Variants in GREB1 observed in about 807,000 individuals in gnomAD.
GREB1 encodes growth regulating estrogen receptor binding 1, also known as protein GREB1.
In GREB1, 106 loss-of-function variants were observed where a neutral mutation model predicts 200.7. The ratio of observed to expected loss-of-function variants is 0.53; its 90% CI spans 0.45 to 0.62. The LOEUF (loss-of-function observed/expected upper bound fraction) is 0.62, where lower values mean the gene tolerates loss of function less well. Among genes scored for constraint, GREB1 ranks in the 20% least tolerant of loss-of-function variants. GREB1 has a pLI of 0.00. For missense variants in GREB1, 2,243 were observed against 2,556.8 expected (o/e 0.88, Z 2.65); for synonymous variants, 1,132 against 1,092.4 (o/e 1.04, Z -0.72).
intron 1 of GREB1, among the ~76,000 whole-genome samples, chr2:11,523,759 A>G (rs1304277543): frequency 6.6e-6 from 1 of 152,170 alleles, no homozygotes. Flanking sequence ...TCCAGTGATC[A>G]TAGACAGGCC....
intron 1 of GREB1, among the ~76,000 whole-genome samples, chr2:11,545,985 C>G (rs893941045): frequency 2.0e-5 from 3 of 152,158 alleles, no homozygotes; most frequent in Non-Finnish European, 2.9e-5. Flanking sequence ...CAAGACCAGC[C>G]TGACCAACAT....
At chr2:11,531,311 G>C (rs1674065496), upstream of GREB1, among the ~76,000 whole-genome samples, 1 of 152,160 alleles carries the variant, frequency 6.6e-6, no homozygotes, top group Non-Finnish European at 1.5e-5. Context: ...TAAGTGACTT[G>C]CCTGCTGGAG....
chr2:11,520,866 C>T (rs1204635318), intron 1 of GREB1, among the ~76,000 whole-genome samples: 2 of 152,168 alleles, frequency 1.3e-5, no homozygotes, highest in African/African-American at 4.8e-5. Context: ...TCCTGCTTTC[C>T]ATAGGTAGTT....
chr2:11,632,329 T>TTC (rs1246976008), intron 27 of GREB1, among the ~76,000 whole-genome samples: 178 of 150,318 alleles, frequency 1.2e-3, no homozygotes, highest in African/African-American at 4.0e-3. Context: ...CTTTCTTTCT[T>TTC]TCTCTCTTTT....
Position 11,618,313 on chromosome 2 carries a change from G to A in GREB1, c.3438G>A (p.Ser1146=), listed in dbSNP as rs201191972. The change falls in exon 22 of 33, where the codon TCG becomes TCA. Residue 1146 remains serine (S), a synonymous_variant. Transcript: ENST00000381486. ...ASGSALGGES[S]AQPTALPQGE... is the part of the protein sequence containing the mutation. ...GTTCAGCGCTCGGTGGCGAGTCCTCGGCTCAGCCCACAGCACTCCCCCAGG... is the reference window on the plus strand; with the variant it reads ...GTTCAGCGCTCGGTGGCGAGTCCTCAGCTCAGCCCACAGCACTCCCCCAGG... The A allele has an allele frequency of 1.5e-4, 240 of 1,575,038 alleles. No individual in the cohort carries two copies. The highest frequency in any genetic ancestry group is 1.5e-3 in the South Asian group (132 of 87,838).
intron 1 of GREB1, among the ~76,000 whole-genome samples, chr2:11,518,239 T>C (rs941656778): frequency 6.6e-6 from 1 of 152,122 alleles, no homozygotes; most frequent in Non-Finnish European, 1.5e-5. Flanking sequence ...TGGAGATCCA[T>C]TTGGGTGGAA....
chr2:11,587,078 A>G (rs897932146), intron 9 of GREB1, among the ~76,000 whole-genome samples: 1 of 152,204 alleles, frequency 6.6e-6, no homozygotes, highest in Non-Finnish European at 1.5e-5. Flanking sequence ...TCTACGTCTC[A>G]CACGAGCAAT....
rs187054498 is a variant in GREB1, at chr2:11,528,223, A to C, written c.-158-28234A>C. 5.3e-3 allele frequency among the ~76,000 whole-genome samples: 809 copies of C among 152,366 alleles called. 4 individuals carry two copies. The highest frequency in any genetic ancestry group is 0.031 in the Middle Eastern group (9 of 294). ...CTAGAGATCACTGGTGAAACAGAAG[A>C]ATGATGACTTTTCTATCTCTTTACA... On this transcript the variant is annotated intron_variant, in intron 1 of 2. Coordinates refer to the GREB1 transcript ENST00000628795.
chr2:11,511,343 C>T (rs184985690), intron 1 of GREB1, among the ~76,000 whole-genome samples: 1 of 152,136 alleles, frequency 6.6e-6, no homozygotes, highest in Non-Finnish European at 1.5e-5. Context: ...GATTGCGTAG[C>T]CAGGAAAGGC....
intron 1 of GREB1, among the ~76,000 whole-genome samples, chr2:11,483,739 G>A (rs1328517052): frequency 6.7e-6 from 1 of 148,512 alleles, no homozygotes; most frequent in African/African-American, 2.5e-5. Flanking sequence ...TGTGTGGCCC[G>A]GCCACCAGGG....
intron 28 of GREB1, 52 bp from the exon 29 acceptor site, chr2:11,634,078 CT>C (rs1250827177): frequency 6.5e-7 from 1 of 1,542,900 alleles, no homozygotes; most frequent in African/African-American, 1.4e-5. Flanking sequence ...TCCCAAGGAC[CT>C]TGCTGCTGCT....
intron 10 of GREB1, chr2:11,591,393 C>T: frequency 1.4e-6 from 1 of 734,474 alleles, no homozygotes; most frequent in Admixed American, 1.9e-5. Context: ...CACTTTCTTC[C>T]AGCACATCAA....
At chr2:11,581,105 A>G in intron 7 of GREB1, 1 of 615,042 alleles carries the variant, frequency 1.6e-6, no homozygotes, top group South Asian at 1.9e-5. Context: ...TATGGGCTGC[A>G]CAGCTGGAGG....
At chr2:11,551,525 C>T (rs760002682) in intron 1 of GREB1, among the ~76,000 whole-genome samples, 10 of 152,200 alleles carry the variant, frequency 6.6e-5, no homozygotes, top group Non-Finnish European at 8.8e-5. Flanking sequence ...CTGATTTTCA[C>T]CCTTGGGTTT....
At chr2:11,489,773 T>C (rs1672738639) in intron 1 of GREB1, among the ~76,000 whole-genome samples, 1 of 152,156 alleles carries the variant, frequency 6.6e-6, no homozygotes, top group Non-Finnish European at 1.5e-5. Context: ...ATCTACCATG[T>C]AAAAGTATTT....
intron 1 of GREB1, among the ~76,000 whole-genome samples, chr2:11,538,724 C>T (rs1315742367): frequency 2.4e-5 from 3 of 125,326 alleles, no homozygotes; most frequent in Non-Finnish European, 3.3e-5. Context: ...CTCCCTCCCC[C>T]TCTCTCTCAC....
intron 1 of GREB1, among the ~76,000 whole-genome samples, chr2:11,545,900 G>A (rs929892483): frequency 3.3e-5 from 5 of 152,158 alleles, no homozygotes; most frequent in Admixed American, 3.3e-4. Flanking sequence ...AAAGATAGCC[G>A]GGCGCGGTGG....
intron 1 of GREB1, among the ~76,000 whole-genome samples, chr2:11,538,373 T>C (rs1250104442): frequency 6.6e-6 from 1 of 151,514 alleles, no homozygotes; most frequent in Non-Finnish European, 1.5e-5. Flanking sequence ...TCTTTAACCT[T>C]TTTTTACAAA....
chr2:11,620,253 G>A (rs559724080), intron 22 of GREB1, among the ~76,000 whole-genome samples: 6 of 152,200 alleles, frequency 3.9e-5, no homozygotes, highest in Non-Finnish European at 7.3e-5. Flanking sequence ...GGGATTACAA[G>A]TGTGAGCCAG....
Sources: gnomAD v4.1 joint callset for allele counts (sites outside exome capture counted in the v4.1 genomes callset) on GRCh38, gnomAD v4.1.1 for gene constraint, MANE v1.5 for transcripts, NCBI Gene and HGNC (gene_info 2026-07-23, HGNC 2026-07-21) for gene names.